Variants in CSMD1 observed in about 807,000 individuals in gnomAD.
CSMD1 encodes CUB and sushi domain-containing protein 1.
In CSMD1, 213 loss-of-function variants were observed where a neutral mutation model predicts 417.5. That is an observed-to-expected ratio of 0.51 (90% CI 0.46 to 0.57). CSMD1 has a LOEUF of 0.57. Ranked by LOEUF, CSMD1 falls within the 20% of genes least tolerant of loss-of-function variation. The probability of loss-of-function intolerance (pLI) is 0.00; values close to 1 mark genes in which losing one functional copy is unlikely to be tolerated. For synonymous variants in CSMD1, 2,862 were observed against 1,736.8 expected (o/e 1.65, Z -16.11); for missense variants, 6,923 against 4,529.7 (o/e 1.53, Z -15.17).
chr8:4,163,961 A>G (rs1018030556), intron 3 of CSMD1, among the ~76,000 whole-genome samples: 17 of 152,278 alleles, frequency 1.1e-4, no homozygotes, highest in African/African-American at 3.8e-4. Context: ...TCTCAAATTA[A>G]TTTTAGGGTG....
chr8:4,794,891 G>T (rs762725406), intron 1 of CSMD1, among the ~76,000 whole-genome samples: 42 of 152,126 alleles, frequency 2.8e-4, no homozygotes, highest in Non-Finnish European at 5.3e-4. Context: ...ATTGCAGGTG[G>T]CAAGAAATTA....
intron 12 of CSMD1, among the ~76,000 whole-genome samples, chr8:3,410,166 G>A (rs1410376434): frequency 6.6e-6 from 1 of 152,114 alleles, no homozygotes; most frequent in East Asian, 1.9e-4. Flanking sequence ...AATAACATAT[G>A]CGTCCAAATA....
chr8:4,146,148 G>T (rs1233685405), intron 3 of CSMD1, among the ~76,000 whole-genome samples: 1 of 150,922 alleles, frequency 6.6e-6, no homozygotes, highest in Admixed American at 6.6e-5. Context: ...TATGATGGGT[G>T]ACATATAATC....
chr8:3,797,803 G>A (rs75911967), intron 5 of CSMD1, among the ~76,000 whole-genome samples: 1 of 151,894 alleles, frequency 6.6e-6, no homozygotes, highest in Non-Finnish European at 1.5e-5. Context: ...TATTAGGTAG[G>A]TATATGTCTG....
At chr8:4,926,304 G>C (rs535939100) in intron 1 of CSMD1, among the ~76,000 whole-genome samples, 19 of 152,178 alleles carry the variant, frequency 1.2e-4, no homozygotes, top group African/African-American at 4.1e-4. Context: ...TCTAACGAAA[G>C]GAAGAAATAA....
intron 3 of CSMD1, among the ~76,000 whole-genome samples, chr8:4,108,305 A>G (rs990811038): frequency 6.6e-6 from 1 of 152,188 alleles, no homozygotes; most frequent in Admixed American, 6.5e-5. Flanking sequence ...GTAAACTCAT[A>G]TGACAATTGT....
intron 1 of CSMD1, among the ~76,000 whole-genome samples, chr8:4,735,623 A>G (rs763474085): frequency 2.0e-5 from 3 of 152,216 alleles, no homozygotes; most frequent in Non-Finnish European, 4.4e-5. Context: ...ACTAGCAATG[A>G]TGATGAGAAG....
intron 3 of CSMD1, among the ~76,000 whole-genome samples, chr8:4,366,614 C>T (rs10107898): frequency 0.64 from 96,657 of 151,882 alleles, 30,823 homozygotes; most frequent in African/African-American, 0.69. Context: ...TTTTTATTAA[C>T]AGCAATTTTG....
chr8:3,825,241 C>A (rs1316150289), intron 5 of CSMD1, among the ~76,000 whole-genome samples: 1 of 152,076 alleles, frequency 6.6e-6, no homozygotes, highest in African/African-American at 2.4e-5. Context: ...ATCAAGAGCC[C>A]TTGAGAGGCC....
At position 4,938,777 on chromosome 8, in the gene CSMD1, G is replaced by A. The variant is rs1418722492; in HGVS notation, c.85+55555C>T. Among the ~76,000 whole-genome samples, 4 of 152,232 alleles carry A rather than the reference G, an allele frequency of 2.6e-5. No individual in the cohort carries two copies. In the East Asian group the frequency reaches 7.7e-4, roughly 29 times the overall value. Reference sequence around the variant, plus strand: ...AAGTGTGTGGCCTGTGGGTCAAGAAGTGCAGGGGAATGCTTTTTTATATTT... The same window carrying A: ...AAGTGTGTGGCCTGTGGGTCAAGAAATGCAGGGGAATGCTTTTTTATATTT... On this transcript the variant is annotated intron_variant, in intron 1 of 69. Coordinates refer to ENST00000635120, the MANE Select transcript of CSMD1 (RefSeq NM_033225.6).
chr8:3,441,959 A>T (rs550935025), intron 12 of CSMD1, among the ~76,000 whole-genome samples: 1 of 152,094 alleles, frequency 6.6e-6, no homozygotes, highest in South Asian at 2.1e-4. Flanking sequence ...TGCCCCGAAG[A>T]CTTTCCAGTG....
chr8:2,946,875 C>T (rs910894389), intron 68 of CSMD1, among the ~76,000 whole-genome samples: 17 of 152,306 alleles, frequency 1.1e-4, no homozygotes, highest in South Asian at 2.1e-4. Flanking sequence ...TCCTCCGCCT[C>T]CTTGCCACCC....
chr8:4,220,873 G>C (rs1259506622), intron 3 of CSMD1, among the ~76,000 whole-genome samples: 1 of 152,192 alleles, frequency 6.6e-6, no homozygotes, highest in African/African-American at 2.4e-5. Context: ...TAACAAGTAA[G>C]AAGATTTGGG....
intron 5 of CSMD1, among the ~76,000 whole-genome samples, chr8:3,778,277 C>T (rs546518658): frequency 6.2e-4 from 95 of 152,296 alleles, no homozygotes; most frequent in African/African-American, 2.0e-3. Flanking sequence ...ATTTGCCTGT[C>T]AGTAGTTTAC....
chr8:3,210,402 T>A (rs1327492365), intron 30 of CSMD1, among the ~76,000 whole-genome samples: 2 of 35,662 alleles, frequency 5.6e-5, no homozygotes, highest in African/African-American at 3.2e-4. Flanking sequence ...AATTAAAAAT[T>A]TGGTTTTATA....
intron 28 of CSMD1, among the ~76,000 whole-genome samples, chr8:3,222,341 G>C (rs1798266883): frequency 6.6e-6 from 1 of 151,356 alleles, no homozygotes; most frequent in Non-Finnish European, 1.5e-5. Flanking sequence ...TTAAAGCCAA[G>C]GTCTTGCTCT....
chr8:4,227,183 G>A (rs1184462243), intron 3 of CSMD1, among the ~76,000 whole-genome samples: 1 of 152,098 alleles, frequency 6.6e-6, no homozygotes, highest in Non-Finnish European at 1.5e-5. Flanking sequence ...CCTCATGGTT[G>A]CTGAGGGACG....
chr8:4,312,979 G>C (rs1486889090), intron 3 of CSMD1, among the ~76,000 whole-genome samples: 1 of 152,192 alleles, frequency 6.6e-6, no homozygotes, highest in African/African-American at 2.4e-5. Flanking sequence ...TGCAAGGTAA[G>C]TTTTGCGGGG....
At chr8:4,596,456 A>T (rs1800283144) in intron 2 of CSMD1, among the ~76,000 whole-genome samples, 1 of 152,176 alleles carries the variant, frequency 6.6e-6, no homozygotes, top group African/African-American at 2.4e-5. Context: ...CATTATGCAA[A>T]TAATTTTCAT....
Sources: allele counts gnomAD v4.1 joint callset (sites outside exome capture counted in the v4.1 genomes callset), GRCh38; gene constraint gnomAD v4.1.1; transcripts MANE v1.5; gene names NCBI Gene and HGNC (gene_info 2026-07-23, HGNC 2026-07-21).